The following PRDM5 variants were observed in gnomAD, a reference collection of about 807,000 sequenced individuals.
The protein encoded by PRDM5 is PR/SET domain 5.
In PRDM5, 56 loss-of-function variants were observed where a neutral mutation model predicts 81.2. The ratio of observed to expected loss-of-function variants is 0.69; its 90% confidence interval spans 0.56 to 0.86. PRDM5 has a LOEUF of 0.86. Among genes scored for constraint, PRDM5 ranks in the 40% least tolerant of loss-of-function variants. PRDM5 has a pLI of 0.00. For missense variants in PRDM5, 697 were observed against 770.1 expected, an observed-to-expected ratio of 0.91 and a Z score of 1.12; for synonymous variants, 267 against 256.4, an observed-to-expected ratio of 1.04 and a Z score of -0.39.
chr4:120,825,420 T>A (rs1212688569), intron 3 of PRDM5, among the ~76,000 whole-genome samples: 1 of 152,152 alleles, frequency 6.6e-6, no homozygotes, highest in Non-Finnish European at 1.5e-5. Flanking sequence ...ATTCGTTTGG[T>A]CAAAATGCTC....
chr4:120,883,515 T>G (rs1349210351), intron 2 of PRDM5, among the ~76,000 whole-genome samples: 1 of 147,174 alleles, frequency 6.8e-6, no homozygotes, highest in Non-Finnish European at 1.5e-5. Flanking sequence ...AAAATACTTA[T>G]CTGAAACTGG....
At chr4:120,773,172 A>G (rs1747544823) in intron 13 of PRDM5, among the ~76,000 whole-genome samples, 1 of 152,210 alleles carries the variant, frequency 6.6e-6, no homozygotes, top group Non-Finnish European at 1.5e-5. Flanking sequence ...TTTTTTCATG[A>G]AACATCATTT....
At chr4:120,917,569 G>A (rs1206585671) in intron 1 of PRDM5, among the ~76,000 whole-genome samples, 1 of 151,802 alleles carries the variant, frequency 6.6e-6, no homozygotes, top group East Asian at 1.9e-4. Flanking sequence ...AAAGTGAATA[G>A]TACAGGTCTT....
At position 120,922,501 on chromosome 4, in the gene PRDM5, C is replaced by T; in HGVS notation, c.93+15G>A. On this transcript the variant is annotated intron_variant, in intron 1 of 15. Transcript: ENST00000264808. ...CGAGGTGCAGGGGCGCGCAGGCCGC[C>T]GCCGGGTCACCCACCTTTCGCACTC... The T allele has an allele frequency of 6.3e-7, 1 of 1,588,946 alleles. No homozygotes were observed. The highest frequency in any genetic ancestry group is 8.6e-7 in the Non-Finnish European group (1 of 1,169,032).
chr4:120,915,637 C>T (rs558660431), intron 1 of PRDM5, among the ~76,000 whole-genome samples: 1 of 152,178 alleles, frequency 6.6e-6, no homozygotes, highest in East Asian at 1.9e-4. Context: ...AGGATGACCC[C>T]AGTAAAGATC....
chr4:120,786,896 G>A (rs555046345), intron 10 of PRDM5, among the ~76,000 whole-genome samples: 10 of 152,226 alleles, frequency 6.6e-5, no homozygotes, highest in South Asian at 2.1e-4. Flanking sequence ...TTCATTCATC[G>A]TTTTATTTTA....
chr4:120,874,859 T>C (rs1393995998), intron 2 of PRDM5, among the ~76,000 whole-genome samples: 1 of 152,194 alleles, frequency 6.6e-6, no homozygotes, highest in Non-Finnish European at 1.5e-5. Flanking sequence ...ACAGGAAGTA[T>C]ATGTGTGTCC....
chr4:120,831,005 A>G (rs1756645736), intron 3 of PRDM5, among the ~76,000 whole-genome samples: 1 of 152,064 alleles, frequency 6.6e-6, no homozygotes, highest in Non-Finnish European at 1.5e-5. Flanking sequence ...AACAAAAAAG[A>G]ACATAAACAG....
chr4:120,717,832 A>G (rs1350421959), intron 14 of PRDM5, among the ~76,000 whole-genome samples: 1 of 152,240 alleles, frequency 6.6e-6, no homozygotes, highest in Admixed American at 6.5e-5. Flanking sequence ...TTAGACCACA[A>G]TCAAATAAAA....
intron 3 of PRDM5, among the ~76,000 whole-genome samples, chr4:120,831,420 G>A (rs1443464419): frequency 1.3e-5 from 2 of 151,966 alleles, no homozygotes; most frequent in East Asian, 1.9e-4. Flanking sequence ...ACAGTCCCAC[G>A]CATTCATTCC....
intron 14 of PRDM5, among the ~76,000 whole-genome samples, chr4:120,753,124 T>C (rs938630138): frequency 1.3e-5 from 2 of 152,194 alleles, no homozygotes; most frequent in African/African-American, 4.8e-5. Flanking sequence ...TCAATATCAC[T>C]AGTTTCTATT....
chr4:120,741,578 C>A (rs1741972436), intron 14 of PRDM5, among the ~76,000 whole-genome samples: 1 of 151,898 alleles, frequency 6.6e-6, no homozygotes, highest in Non-Finnish European at 1.5e-5. Context: ...GCGCACTGTG[C>A]ACGAGCCGAA....
At chr4:120,816,762 G>C in intron 6 of PRDM5, 70 bp downstream of exon 6, 5 of 1,522,554 alleles carry the variant, frequency 3.3e-6, no homozygotes, top group Non-Finnish European at 3.6e-6. Flanking sequence ...TTACTAAGAA[G>C]CATGAAAGTA....
At chr4:120,829,498 T>C (rs1756452800) in intron 3 of PRDM5, among the ~76,000 whole-genome samples, 1 of 152,146 alleles carries the variant, frequency 6.6e-6, no homozygotes, top group Non-Finnish European at 1.5e-5. Context: ...CATCTGAGGT[T>C]CAGTTCTGCT....
chr4:120,819,063 A>G (rs912524167), intron 4 of PRDM5, among the ~76,000 whole-genome samples: 13 of 152,218 alleles, frequency 8.5e-5, no homozygotes, highest in African/African-American at 3.1e-4. Flanking sequence ...TAAATTACAC[A>G]TTTGTTTCTG....
intron 14 of PRDM5, among the ~76,000 whole-genome samples, chr4:120,733,307 G>C (rs1173239150): frequency 6.6e-6 from 1 of 152,064 alleles, no homozygotes; most frequent in Non-Finnish European, 1.5e-5. Flanking sequence ...TCACAGTCTT[G>C]CCATGCCTGC....
intron 10 of PRDM5, among the ~76,000 whole-genome samples, chr4:120,793,357 G>C (rs12500166): frequency 0.2 from 30,273 of 152,008 alleles, 3,664 homozygotes; most frequent in Non-Finnish European, 0.28. Context: ...CAAGCTGAGG[G>C]CTCCCACTGA....
intron 14 of PRDM5, among the ~76,000 whole-genome samples, chr4:120,743,968 A>G (rs1160541347): frequency 6.6e-6 from 1 of 152,094 alleles, no homozygotes; most frequent in Non-Finnish European, 1.5e-5. Flanking sequence ...CCAAATCAAC[A>G]GAATATACAT....
intron 13 of PRDM5, among the ~76,000 whole-genome samples, chr4:120,771,187 C>G (rs977255157): frequency 2.0e-5 from 3 of 152,032 alleles, no homozygotes; most frequent in African/African-American, 7.2e-5. Context: ...AGGGACATAA[C>G]AATGTTCTTT....
Sources: gnomAD v4.1 joint callset for allele counts (sites outside exome capture counted in the v4.1 genomes callset) on GRCh38, gnomAD v4.1.1 for gene constraint, MANE v1.5 for transcripts, NCBI Gene and HGNC (gene_info 2026-07-23, HGNC 2026-07-21) for gene names.